The following RRAGD variants were observed in gnomAD, a reference collection of about 807,000 sequenced individuals.
RRAGD encodes Ras related GTP binding D.
In RRAGD, 12 loss-of-function variants were observed where a neutral mutation model predicts 35.5. The observed-to-expected ratio is 0.34, with a 90% CI of 0.22 to 0.55. The LOEUF (loss-of-function observed/expected upper bound fraction) is 0.55, where lower values mean the gene tolerates loss of function less well. Among genes scored for constraint, RRAGD ranks in the 20% least tolerant of loss-of-function variants. The probability of loss-of-function intolerance (pLI) is 0.91; values close to 1 mark genes in which losing one functional copy is unlikely to be tolerated. For missense variants in RRAGD, 324 were observed against 490.1 expected, an observed-to-expected ratio of 0.66 and a Z score of 3.20; for synonymous variants, 155 against 178.9, an observed-to-expected ratio of 0.87 and a Z score of 1.07.
chr6:89,369,697 C>T (rs776253985), intron 6 of RRAGD, among the ~76,000 whole-genome samples: 3 of 152,184 alleles, frequency 2.0e-5, no homozygotes, highest in Non-Finnish European at 4.4e-5. Flanking sequence ...GAACCACTGG[C>T]ACCCGCCCCT....
At chr6:89,380,900 C>T (rs1769030463) in intron 2 of RRAGD, among the ~76,000 whole-genome samples, 1 of 123,536 alleles carries the variant, frequency 8.1e-6, no homozygotes, top group Non-Finnish European at 1.6e-5. Context: ...GAGTAAGACT[C>T]GGTCACAAAA....
intron 4 of RRAGD, 94 bp from the exon 5 acceptor site, chr6:89,377,907 T>C (rs1470639069): frequency 6.4e-6 from 6 of 934,590 alleles, no homozygotes; most frequent in Non-Finnish European, 9.5e-6. Flanking sequence ...TAATGTAAAA[T>C]ACAAAATGAG....
intron 5 of RRAGD, among the ~76,000 whole-genome samples, chr6:89,376,688 T>C (rs1319262736): frequency 1.3e-5 from 2 of 151,628 alleles, no homozygotes; most frequent in Admixed American, 6.6e-5. Context: ...GTTTATTTTA[T>C]ATTAAGTGTA....
intron 1 of RRAGD, among the ~76,000 whole-genome samples, chr6:89,392,918 T>G (rs1169686166): frequency 6.6e-6 from 1 of 152,228 alleles, no homozygotes; most frequent in African/African-American, 2.4e-5. Context: ...AACACATTGC[T>G]GATGACATAC....
At chr6:89,376,350 CAGAG>C (rs1248278384) in intron 5 of RRAGD, among the ~76,000 whole-genome samples, 1 of 149,996 alleles carries the variant, frequency 6.7e-6, no homozygotes, top group East Asian at 1.9e-4. Flanking sequence ...TAACAGTTAA[CAGAG>C]AGAATCCGAG....
chr6:89,387,698 CT>C (rs1769160118), intron 1 of RRAGD, 108 bp from the exon 2 acceptor site: 1 of 1,102,928 alleles, frequency 9.1e-7, no homozygotes, highest in South Asian at 1.5e-5. Context: ...GATGATGCCA[CT>C]CTTCCAAAGA....
Position 89,411,806 on chromosome 6 carries a change from A to G in RRAGD, c.148+40T>C. 1 of 1,526,606 alleles carries G rather than the reference A, an allele frequency of 6.6e-7. No individual in the cohort carries two copies. The highest frequency in any genetic ancestry group is 1.2e-5 in the South Asian group (1 of 83,816). The allele number at this position is 1,526,606 out of a possible 1,614,324, so 94.6% of individuals were successfully genotyped here. A position where few individuals can be genotyped will look rare whatever the true frequency, so the allele number is the denominator to read the frequency against. ...GGGGCGGGAAGGCGCCAAGGGGAGG[A>G]AAGGGGCGCGAGCCGAGGACGCGGG... On this transcript the variant is annotated intron_variant, in intron 1 of 6. Coordinates refer to ENST00000369415, the MANE Select transcript of RRAGD (RefSeq NM_021244.5). The surrounding 1 kb of genome is among the most constrained non-coding windows in gnomAD (Gnocchi z 5.6).
intron 1 of RRAGD, among the ~76,000 whole-genome samples, chr6:89,400,832 C>G (rs983312381): frequency 6.6e-6 from 1 of 152,092 alleles, no homozygotes; most frequent in South Asian, 2.1e-4. Context: ...AAGGAGCAAT[C>G]GGGGGACAAG....
chr6:89,400,055 GT>G (rs981586291), intron 1 of RRAGD, among the ~76,000 whole-genome samples: 1 of 152,108 alleles, frequency 6.6e-6, no homozygotes, highest in African/African-American at 2.4e-5. Context: ...AATCAGCTCT[GT>G]TTGTAACATT....
chr6:89,382,400 A>AATATATATATATATATATATATATAT lies in RRAGD; in HGVS notation c.445-2034_445-2033insATATATATATATATATATATATATAT, dbSNP rs58343827. 2.6e-3 allele frequency among the ~76,000 whole-genome samples: 343 copies of AATATATATATATATATATATATATAT among 130,718 alleles called. 5 individuals carry two copies. Among genetic ancestry groups the AATATATATATATATATATATATATAT allele is most frequent in the East Asian group, 8.6e-3 (31 of 3,618 alleles). The allele number at this position is 130,718 out of a possible 152,430, so 85.8% of individuals were successfully genotyped here. A position where few individuals can be genotyped will look rare whatever the true frequency, so the allele number is the denominator to read the frequency against. ...ACACAGTGAGACCCCTATCTCTAGAAATATATATATATATATATATATGTA... is the reference window on the plus strand; with the variant it reads ...ACACAGTGAGACCCCTATCTCTAGAAATATATATATATATATATATATATATATATATATATATATATATATATGTA... On this transcript the variant is annotated intron_variant, in intron 2 of 6. Coordinates refer to ENST00000369415, the MANE Select transcript of RRAGD (RefSeq NM_021244.5).
chr6:89,397,990 T>A (rs1374427570), intron 1 of RRAGD, among the ~76,000 whole-genome samples: 3 of 151,966 alleles, frequency 2.0e-5, no homozygotes. Context: ...CTACTAAATA[T>A]ACAAAAATTA....
In RRAGD at chr6:89,411,918, C is replaced by G; in HGVS notation, c.76G>C (p.Val26Leu). The G allele has an allele frequency of 2.6e-6, 4 of 1,545,408 alleles. No homozygotes were observed. Among genetic ancestry groups the G allele is most frequent in the Non-Finnish European group, 3.5e-6 (4 of 1,147,702 alleles). ...CCGTCTCCGTAGTCCGCTAGCCCCACCAGCTCATCCTCCTCCTCCTCCTCC... is the reference window on the plus strand; with the variant it reads ...CCGTCTCCGTAGTCCGCTAGCCCCAGCAGCTCATCCTCCTCCTCCTCCTCC... ...AEEEEEEDEL[V>L]GLADYGDGPD... The change falls in exon 1 of 7, where the codon GTG becomes CTG. Residue 26 changes from valine to leucine, a missense_variant. Physicochemically the swap from Val to Leu is conservative, Grantham distance 32. This residue lies in a region of RRAGD where 96 missense variants were observed against 78.7 expected (regional missense o/e 1.22). Transcript: ENST00000369415. The surrounding 1 kb of genome is among the most constrained non-coding windows in gnomAD (Gnocchi z 5.6).
chr6:89,380,187 A>T lies in RRAGD; in HGVS notation c.625T>A (p.Leu209Ile), dbSNP rs760053858. Reference protein sequence around the residue: ...RANDDLADAGLEKIHLSFYLT... With the variant: ...RANDDLADAGIEKIHLSFYLT... Reference sequence around the variant, plus strand: ...TCTCACCTGAGGTGAATTTTTTCTAATCCAGCATCTGCAAGGTCATCGTTT... The same window carrying T: ...TCTCACCTGAGGTGAATTTTTTCTATTCCAGCATCTGCAAGGTCATCGTTT... Residue 209 changes from leucine (L) to isoleucine (I), a missense_variant, in exon 3 of 7, where the codon TTA becomes ATA. Physicochemically the swap from Leu to Ile is conservative, Grantham distance 5 (BLOSUM62 2). This residue lies in a region of RRAGD where 152 missense variants were observed against 296.9 expected (regional missense o/e 0.51). Transcript: ENST00000369415. 1 of 1,614,186 alleles carries T rather than the reference A, an allele frequency of 6.2e-7. No homozygotes were observed. The highest frequency in any genetic ancestry group is 8.5e-7 in the Non-Finnish European group (1 of 1,180,018).
Position 89,365,498 on chromosome 6 carries a change from T to C in RRAGD, c.*2558A>G, listed in dbSNP as rs1768724588. 6.6e-6 allele frequency: 1 copy of C among 152,234 alleles called. No homozygotes were observed. The highest frequency in any genetic ancestry group is 2.1e-4 in the South Asian group (1 of 4,836). 9.4% of individuals were successfully genotyped at this position (152,234 alleles called of 1,614,324 possible). On this transcript the variant is annotated 3_prime_UTR_variant, in exon 7 of 7. Transcript: ENST00000369415. ...TATCAAAAATACAATGCAAAATGACTTGAAGACATTTCCAATAACACAGAT... is the reference window on the plus strand; with the variant it reads ...TATCAAAAATACAATGCAAAATGACCTGAAGACATTTCCAATAACACAGAT...
chr6:89,380,423 A>G (rs562508127), intron 2 of RRAGD, 56 bp from the exon 3 acceptor site: 1 of 1,474,840 alleles, frequency 6.8e-7, no homozygotes, highest in Non-Finnish European at 9.4e-7. Context: ...TGAGCCTCCC[A>G]CACACACTCT....
At position 89,398,933 on chromosome 6, in the gene RRAGD, A is replaced by T. The variant is rs569031646; in HGVS notation, c.149-11343T>A. ...TTTACAGGCTTAGAAAGGTCAAGTA[A>T]CATTCAAACGGAGGGCTGGCCCACT... is the stretch of plus-strand genomic sequence containing the variant. On this transcript the variant is annotated intron_variant, in intron 1 of 6. Transcript: ENST00000369415. 1.7e-4 allele frequency among the ~76,000 whole-genome samples: 26 copies of T among 152,348 alleles called. No individual in the cohort carries two copies. In the South Asian group the frequency reaches 5.4e-3, roughly 32 times the overall value.
At chr6:89,400,282 C>T (rs1374234126) in intron 1 of RRAGD, among the ~76,000 whole-genome samples, 1 of 152,056 alleles carries the variant, frequency 6.6e-6, no homozygotes, top group Admixed American at 6.6e-5. Context: ...TAGAAAATAT[C>T]GGAGCACATG....
chr6:89,378,294 C>T (rs981034609), intron 4 of RRAGD, among the ~76,000 whole-genome samples: 6 of 146,504 alleles, frequency 4.1e-5, no homozygotes, highest in Admixed American at 3.3e-4. Flanking sequence ...AAGAGCAAAA[C>T]TCCGTCTCAA....
chr6:89,368,634 TC>T (rs1298187633), intron 6 of RRAGD, among the ~76,000 whole-genome samples: 4 of 152,178 alleles, frequency 2.6e-5, no homozygotes, highest in Admixed American at 2.6e-4. Flanking sequence ...AAGCTGTGTA[TC>T]AATCAATAAA....
Sources: gnomAD v4.1 joint callset for allele counts (sites outside exome capture counted in the v4.1 genomes callset) on GRCh38, gnomAD v4.1.1 for gene constraint, gnomAD v4.1.1 regional missense constraint, Gnocchi (gnomAD v3.1) non-coding constraint, MANE v1.5 for transcripts, NCBI Gene and HGNC (gene_info 2026-07-23, HGNC 2026-07-21) for gene names.